Variants in ASTN2 observed in about 807,000 individuals in gnomAD.
ASTN2 encodes the protein astrotactin-2.
ASTN2 carries 54 observed loss-of-function variants against 139.8 expected under a neutral mutation model. That is an observed-to-expected ratio of 0.39 (90% CI 0.31 to 0.48). ASTN2 has a LOEUF of 0.48. Among genes scored for constraint, ASTN2 ranks in the 20% least tolerant of loss-of-function variants. The probability of loss-of-function intolerance (pLI) is 0.95; values close to 1 mark genes in which losing one functional copy is unlikely to be tolerated. For missense variants in ASTN2, 1,565 were observed against 1,725.1 expected (o/e 0.91, Z 1.64); for synonymous variants, 756 against 719.5 (o/e 1.05, Z -0.81).
chr9:116,976,611 T>C (rs2274762), intron 8 of ASTN2, 90 bp downstream of exon 8: 1 of 1,105,438 alleles, frequency 9.0e-7, no homozygotes, highest in African/African-American at 1.6e-5. Context: ...GAGTCCTCTT[T>C]GTGGAGATGC....
intron 5 of ASTN2, among the ~76,000 whole-genome samples, chr9:117,066,722 G>C (rs1307647290): frequency 6.6e-6 from 1 of 152,210 alleles, no homozygotes; most frequent in Non-Finnish European, 1.5e-5. Flanking sequence ...TAACTGGTGT[G>C]AGATGGTTTT....
chr9:117,103,992 C>CAG (rs60510164), intron 4 of ASTN2, among the ~76,000 whole-genome samples: 3 of 152,120 alleles, frequency 2.0e-5, no homozygotes, highest in Admixed American at 1.3e-4. Flanking sequence ...AGGCCAGGCA[C>CAG]TTTACACAGA....
chr9:117,096,311 T>C (rs1828840283), intron 4 of ASTN2, among the ~76,000 whole-genome samples, 160 bp from the exon 5 acceptor site: 1 of 152,228 alleles, frequency 6.6e-6, no homozygotes, highest in African/African-American at 2.4e-5. Context: ...GTTCATGCTC[T>C]GCAGTGAAGC....
intron 19 of ASTN2, among the ~76,000 whole-genome samples, chr9:116,515,429 G>C (rs1270927068): frequency 2.0e-5 from 3 of 152,146 alleles, no homozygotes; most frequent in African/African-American, 7.2e-5. Flanking sequence ...GTCCATTTCT[G>C]CTACTGAAAG....
chr9:116,743,792 C>T (rs192047776), intron 13 of ASTN2, among the ~76,000 whole-genome samples: 43 of 152,260 alleles, frequency 2.8e-4, no homozygotes, highest in African/African-American at 8.2e-4. Context: ...CGTGAGCCAC[C>T]GTACCAGGCA....
intron 1 of ASTN2, among the ~76,000 whole-genome samples, chr9:117,400,397 T>G (rs538985072): frequency 2.0e-5 from 3 of 151,998 alleles, no homozygotes; most frequent in Admixed American, 6.6e-5. Flanking sequence ...GGGAGGCAAG[T>G]GAGTGGGGGC....
At chr9:117,099,093 C>T (rs10983520) in intron 4 of ASTN2, among the ~76,000 whole-genome samples, 4 of 135,970 alleles carry the variant, frequency 2.9e-5, no homozygotes, top group East Asian at 2.3e-4. Context: ...GGTGACAGAG[C>T]GAGACTCCGT....
chr9:116,478,847 C>T (rs1340521639), intron 20 of ASTN2, among the ~76,000 whole-genome samples: 2 of 151,926 alleles, frequency 1.3e-5, no homozygotes, highest in African/African-American at 4.8e-5. Context: ...CAAAAATTAG[C>T]TGGGCACAGT....
chr9:117,104,923 C>T lies in ASTN2; in HGVS notation c.1169-8772G>A, dbSNP rs142247613. ...TTCCATCACCCAAGAAAGGAAATGA[C>T]CCAATTTATCCCTGAATTTTGGCTT... On this transcript the variant is annotated intron_variant, in intron 4 of 22. Transcript: ENST00000313400. Among the ~76,000 whole-genome samples, 193 of 152,202 alleles carry T rather than the reference C, an allele frequency of 1.3e-3. 2 individuals are homozygous for T. The South Asian group carries it at 0.024, about 19-fold the overall frequency.
chr9:117,138,239 T>G (rs562531790), intron 4 of ASTN2, among the ~76,000 whole-genome samples: 2 of 152,230 alleles, frequency 1.3e-5, no homozygotes, highest in East Asian at 3.9e-4. Flanking sequence ...AGTAGCAGGT[T>G]GGGGACTGAA....
At chr9:116,470,079 C>T (rs2119005145) in intron 20 of ASTN2, among the ~76,000 whole-genome samples, 1 of 152,202 alleles carries the variant, frequency 6.6e-6, no homozygotes, top group African/African-American at 2.4e-5. Context: ...TGGTGGGCAC[C>T]TGTAATCCCA....
chr9:116,826,534 G>C (rs759559478), intron 11 of ASTN2, among the ~76,000 whole-genome samples: 1 of 152,044 alleles, frequency 6.6e-6, no homozygotes, highest in Non-Finnish European at 1.5e-5. Context: ...GGACTAGCCC[G>C]CCCAACCCAT....
chr9:116,552,975 T>C (rs574824913), intron 19 of ASTN2, among the ~76,000 whole-genome samples: 8 of 152,248 alleles, frequency 5.3e-5, no homozygotes, highest in Admixed American at 3.3e-4. Flanking sequence ...GGACTGAAGG[T>C]GAAAAGACTC....
chr9:117,131,595 T>G (rs1041361550), intron 4 of ASTN2, among the ~76,000 whole-genome samples: 1 of 152,152 alleles, frequency 6.6e-6, no homozygotes, highest in African/African-American at 2.4e-5. Flanking sequence ...AAAAAGTACA[T>G]TTACCATATT....
At chr9:116,529,079 G>C (rs762670560) in intron 19 of ASTN2, among the ~76,000 whole-genome samples, 1 of 152,162 alleles carries the variant, frequency 6.6e-6, no homozygotes, top group Non-Finnish European at 1.5e-5. Flanking sequence ...TGTGAGAAGA[G>C]AGCCACCATC....
chr9:116,892,272 G>C (rs1156588897), intron 10 of ASTN2, among the ~76,000 whole-genome samples: 1 of 152,164 alleles, frequency 6.6e-6, no homozygotes, highest in African/African-American at 2.4e-5. Flanking sequence ...TCTTGATTCA[G>C]TCTAACGTCT....
At chr9:116,671,923 A>G (rs1310997767) in intron 16 of ASTN2, among the ~76,000 whole-genome samples, 2 of 152,198 alleles carry the variant, frequency 1.3e-5, no homozygotes, top group African/African-American at 2.4e-5. Flanking sequence ...GACACTGTGA[A>G]GCAGAGAAAC....
rs372591798 is a variant in ASTN2 at position 116,710,430 on chromosome 9, C to T, written c.2806+15341G>A. On this transcript the variant is annotated intron_variant, in intron 16 of 22. Transcript: ENST00000313400. Reference sequence around the variant, plus strand: ...AAATATTGAAAGAAATTTCATATTACGATAAATGACAATTTCAGACCAGGT... The same window carrying T: ...AAATATTGAAAGAAATTTCATATTATGATAAATGACAATTTCAGACCAGGT... Among the ~76,000 whole-genome samples the T allele has an allele frequency of 4.4e-4, 66 of 151,546 alleles. 2 individuals carry two copies. Among genetic ancestry groups the T allele is most frequent in the African/African-American group, 1.5e-3 (60 of 41,268 alleles).
intron 2 of ASTN2, among the ~76,000 whole-genome samples, chr9:117,246,367 G>T (rs1452309591): frequency 6.6e-6 from 1 of 152,194 alleles, no homozygotes. Flanking sequence ...TAGAGCAACA[G>T]AAATTATGCA....
Sources: allele counts gnomAD v4.1 joint callset (sites outside exome capture counted in the v4.1 genomes callset), GRCh38; gene constraint gnomAD v4.1.1; transcripts MANE v1.5; gene names NCBI Gene and HGNC (gene_info 2026-07-23, HGNC 2026-07-21).